The following LTBP1 variants were observed in gnomAD, a reference collection of about 807,000 sequenced individuals.
LTBP1 encodes latent-transforming growth factor beta-binding protein 1.
In LTBP1, 129 loss-of-function variants were observed where a neutral mutation model predicts 207.6. The observed-to-expected ratio is 0.62, with a 90% CI of 0.54 to 0.72. The LOEUF is 0.72. Ranked by LOEUF, LTBP1 falls within the 30% of genes least tolerant of loss-of-function variation. The pLI is 0.00. For synonymous variants in LTBP1, 963 were observed against 833.7 expected (o/e 1.16, Z -2.67); for missense variants, 2,281 against 2,217.2 (o/e 1.03, Z -0.58).
In LTBP1 at chr2:32,947,708, C is replaced by T. The variant is rs1335891997; in HGVS notation, c.384C>T (p.Ala128=). ...LHPNPGGHPA[A]APFTKQGRQV... ...CCAATCCCGGCGGCCACCCGGCAGCCGCCCCGTTCACCAAACAAGGCAGGC... is the reference window on the plus strand; with the variant it reads ...CCAATCCCGGCGGCCACCCGGCAGCTGCCCCGTTCACCAAACAAGGCAGGC... Residue 128 remains alanine, a synonymous_variant, in exon 1 of 34, where the codon GCC becomes GCT. Transcript: ENST00000404816. 1.2e-5 allele frequency: 19 copies of T among 1,528,162 alleles called. No individual in the cohort carries two copies. The highest frequency in any genetic ancestry group is 1.6e-5 in the Non-Finnish European group (18 of 1,138,658). 94.7% of individuals were successfully genotyped at this position (1,528,162 alleles called of 1,614,324 possible). A position where few individuals can be genotyped will look rare whatever the true frequency, so the allele number is the denominator to read the frequency against.
intron 7 of LTBP1, among the ~76,000 whole-genome samples, chr2:33,211,607 A>T (rs2090322031): frequency 6.6e-6 from 1 of 152,148 alleles, no homozygotes; most frequent in African/African-American, 2.4e-5. Flanking sequence ...TCTTACCACC[A>T]CTGCTGGATC....
At chr2:33,051,291 C>T (rs1466449946) in intron 3 of LTBP1, among the ~76,000 whole-genome samples, 2 of 152,016 alleles carry the variant, frequency 1.3e-5, no homozygotes, top group African/African-American at 2.4e-5. Context: ...GTGGTGTGTG[C>T]CTGTTGTTCT....
At position 32,947,360 on chromosome 2, in the gene LTBP1, C is replaced by G. The variant is rs1177235422; in HGVS notation, c.36C>G (p.Leu12=). 7.7e-7 allele frequency: 1 copy of G among 1,306,766 alleles called. No individual in the cohort carries two copies. The highest frequency in any genetic ancestry group is 1.5e-5 in the African/African-American group (1 of 64,658). The allele number at this position is 1,306,766 out of a possible 1,614,324, so 80.9% of individuals were successfully genotyped here. The part of the protein sequence containing the change: ...AGAWLRWGLL[L]WAGLLASSAH... ...CCTGGCTCAGGTGGGGGCTCCTGCTCTGGGCAGGGCTCCTCGCGTCCTCGG... is the reference window on the plus strand; with the variant it reads ...CCTGGCTCAGGTGGGGGCTCCTGCTGTGGGCAGGGCTCCTCGCGTCCTCGG... The change falls in exon 1 of 34, where the codon CTC becomes CTG. Residue 12 remains leucine, a synonymous_variant. Transcript: ENST00000404816.
chr2:33,115,862 T>C (rs1462115404), intron 4 of LTBP1, among the ~76,000 whole-genome samples: 1 of 152,214 alleles, frequency 6.6e-6, no homozygotes, highest in African/African-American at 2.4e-5. Context: ...GAGATTAGTT[T>C]GACATAACCT....
intron 5 of LTBP1, among the ~76,000 whole-genome samples, chr2:33,136,947 G>A (rs923023728): frequency 6.6e-6 from 1 of 152,206 alleles, no homozygotes; most frequent in African/African-American, 2.4e-5. Context: ...AGGATGGGGT[G>A]AGAAGGACCC....
chr2:33,202,986 C>G (rs1218883132), intron 7 of LTBP1, among the ~76,000 whole-genome samples: 1 of 152,242 alleles, frequency 6.6e-6, no homozygotes, highest in African/African-American at 2.4e-5. Context: ...CCAGGCACTT[C>G]CTATGCCATC....
chr2:33,004,809 A>ATATATATATATATATATG (rs1298591734), intron 2 of LTBP1, among the ~76,000 whole-genome samples: 6 of 145,498 alleles, frequency 4.1e-5, no homozygotes, highest in African/African-American at 1.5e-4. Context: ...ATATATATAT[A>ATATATATATATATATATG]TATATAAACA....
intron 5 of LTBP1, among the ~76,000 whole-genome samples, chr2:33,149,220 C>T: frequency 6.6e-5 from 1 of 15,172 alleles, no homozygotes; most frequent in East Asian, 9.9e-4. Context: ...GTCTCACTCA[C>T]AAAAAAACAA....
At chr2:33,266,541 A>G (rs11883651) in intron 15 of LTBP1, among the ~76,000 whole-genome samples, 38,238 of 151,948 alleles carry the variant, frequency 0.25, 5,944 homozygotes, top group East Asian at 0.42. Flanking sequence ...AGTTTGGCCA[A>G]TCAGATGGTG....
At chr2:33,197,122 A>C (rs567586147) in intron 7 of LTBP1, among the ~76,000 whole-genome samples, 1 of 152,362 alleles carries the variant, frequency 6.6e-6, no homozygotes, top group Admixed American at 6.5e-5. Flanking sequence ...ATTGGTGTTT[A>C]TGTGAATTAG....
In LTBP1 at chr2:33,365,626, C is replaced by CGTGTGTGTGTGTGTGTGT. The variant is rs144867482; in HGVS notation, c.4711+130_4711+147dup. 1.2e-4 allele frequency: 86 copies of CGTGTGTGTGTGTGTGTGT among 712,014 alleles called. No homozygotes were observed. The African/African-American group carries it at 1.3e-3, about 11-fold the overall frequency. The allele number at this position is 712,014 out of a possible 1,614,324, so 44.1% of individuals were successfully genotyped here. On this transcript the variant is annotated intron_variant, in intron 31 of 33. Transcript: ENST00000404816. The stretch of plus-strand genomic sequence containing the variant: ...CACTCCTGATATCTTACTTTCATCC[C>CGTGTGTGTGTGTGTGTGT]GTGTGTGTGTGTGTGTGTGTGTGTA...
intron 4 of LTBP1, among the ~76,000 whole-genome samples, chr2:33,132,299 G>A (rs1394837696): frequency 6.6e-6 from 1 of 152,152 alleles, no homozygotes; most frequent in Non-Finnish European, 1.5e-5. Flanking sequence ...AATTTTCTCT[G>A]CTGGTGAAAT....
intron 3 of LTBP1, among the ~76,000 whole-genome samples, chr2:33,067,711 A>T (rs894757988): frequency 3.3e-5 from 5 of 152,202 alleles, no homozygotes; most frequent in Non-Finnish European, 5.9e-5. Flanking sequence ...ATATGCATAG[A>T]TTAGAAGCAA....
In LTBP1 at chr2:33,257,614, A is replaced by G. The variant is rs2092900451; in HGVS notation, c.2395+103A>G. The G allele has an allele frequency of 4.3e-6, 4 of 938,826 alleles. No homozygotes were observed. The Admixed American group carries it at 7.6e-5, about 18-fold the overall frequency. The allele number at this position is 938,826 out of a possible 1,614,324, so 58.2% of individuals were successfully genotyped here. A position where few individuals can be genotyped will look rare whatever the true frequency, so the allele number is the denominator to read the frequency against. On this transcript the variant is annotated intron_variant, in intron 12 of 33. Coordinates refer to ENST00000404816, the MANE Select transcript of LTBP1 (RefSeq NM_206943.4). ...TAGAACAGAGTTTCTCAGCCTAAGC[A>G]CTATTGGCATTTTAGAGTGGAGAAT...
At position 33,015,631 on chromosome 2, in the gene LTBP1, C is replaced by G. The variant is rs1212001160; in HGVS notation, c.566-5278C>G. On this transcript the variant is annotated intron_variant, in intron 2 of 33. Transcript: ENST00000404816. ...AGATGGTACAAAGGTCGTGATAGGGCTGGGTGGGTGGGTCTGTTAGTCACT... is the reference window on the plus strand; with the variant it reads ...AGATGGTACAAAGGTCGTGATAGGGGTGGGTGGGTGGGTCTGTTAGTCACT... Among the ~76,000 whole-genome samples, 54 of 67,442 alleles carry G rather than the reference C, an allele frequency of 8.0e-4. 1 individual carries two copies. The highest frequency in any genetic ancestry group is 4.8e-4 in the Admixed American group (2 of 4,146). 44.2% of individuals were successfully genotyped at this position (67,442 alleles called of 152,430 possible). A position where few individuals can be genotyped will look rare whatever the true frequency, so the allele number is the denominator to read the frequency against.
chr2:33,262,779 T>G lies in LTBP1; in HGVS notation c.2476T>G (p.Ser826Ala). ...TKLEPGQPQLSPGISTIHLHP... is the reference protein window; with the variant it reads ...TKLEPGQPQLAPGISTIHLHP... The stretch of plus-strand genomic sequence containing the variant: ...ACTTGAGCCTGGTCAACCCCAGCTG[T>G]CTCCAGGCATTTCCACTATTCATCT... The change falls in exon 14 of 34, where the codon TCT becomes GCT. Residue 826 changes from serine to alanine, a missense_variant. By Grantham distance (99) the Ser-to-Ala change is moderately conservative (BLOSUM62 1). Around this residue, in one of 3 missense-constraint regions of LTBP1, gnomAD observed 1,671 missense variants for 1,634.8 expected, o/e 1.02. Coordinates refer to ENST00000404816, the MANE Select transcript of LTBP1 (RefSeq NM_206943.4). 6.2e-7 allele frequency: 1 copy of G among 1,607,250 alleles called. No homozygotes were observed. The highest frequency in any genetic ancestry group is 8.5e-7 in the Non-Finnish European group (1 of 1,175,812).
intron 2 of LTBP1, among the ~76,000 whole-genome samples, chr2:32,992,511 G>A (rs770070503): frequency 2.0e-4 from 30 of 152,244 alleles, no homozygotes; most frequent in Non-Finnish European, 3.1e-4. Context: ...GGATTAGATG[G>A]TAGGTTGATC....
intron 3 of LTBP1, among the ~76,000 whole-genome samples, chr2:33,025,999 C>T (rs1161191216): frequency 6.6e-6 from 1 of 152,078 alleles, no homozygotes; most frequent in Non-Finnish European, 1.5e-5. Context: ...ATGCCACCTC[C>T]TAATTGACAA....
At chr2:33,188,554 G>A (rs2087470988) in intron 6 of LTBP1, 23 bp from the exon 7 acceptor site, 1 of 1,593,642 alleles carries the variant, frequency 6.3e-7, no homozygotes, top group East Asian at 2.2e-5. Context: ...GGACTAACAA[G>A]TTTTCCTCCC....
Sources: gnomAD v4.1 joint callset for allele counts (sites outside exome capture counted in the v4.1 genomes callset) on GRCh38, gnomAD v4.1.1 for gene constraint, gnomAD v4.1.1 regional missense constraint, MANE v1.5 for transcripts, NCBI Gene and HGNC (gene_info 2026-07-23, HGNC 2026-07-21) for gene names.